Variants in MBD3L1 observed in about 807,000 individuals in gnomAD.
MBD3L1 encodes methyl-CpG binding domain protein 3 like 1.
For synonymous variants in MBD3L1, 84 were observed against 85.1 expected, an observed-to-expected ratio of 0.99 and a Z score of 0.07; for missense variants, 203 against 230.1, an observed-to-expected ratio of 0.88 and a Z score of 0.76.
In MBD3L1 at chr19:8,842,659, G is replaced by GT. The variant is rs1334506711; in HGVS notation, c.-19dup. On this transcript the variant is annotated splice_region_variant and 5_prime_UTR_variant, in exon 3 of 3. Coordinates refer to ENST00000595891, the MANE Select transcript of MBD3L1 (RefSeq NM_001393532.1). ...CCATTTCATGATTTATTTTAATAGT[G>GT]TAAGAGGAAAAGAAGTGTGATGGCC... is the stretch of plus-strand genomic sequence containing the variant. 1 of 1,601,522 alleles carries GT rather than the reference G, an allele frequency of 6.2e-7. No individual in the cohort carries two copies. Among genetic ancestry groups the GT allele is most frequent in the Non-Finnish European group, 8.5e-7 (1 of 1,170,734 alleles).
At chr19:8,836,636 C>T (rs965405214) in intron 1 of MBD3L1, among the ~76,000 whole-genome samples, 4 of 152,084 alleles carry the variant, frequency 2.6e-5, no homozygotes, top group African/African-American at 4.8e-5. Context: ...GGACTGCAGG[C>T]GTGCACCACC....
At chr19:8,841,378 T>C (rs1243464694) in intron 2 of MBD3L1, among the ~76,000 whole-genome samples, 1 of 151,892 alleles carries the variant, frequency 6.6e-6, no homozygotes, top group Admixed American at 6.6e-5. Context: ...CCAAGAGTGC[T>C]AGGAATCAGA....
intron 1 of MBD3L1, among the ~76,000 whole-genome samples, chr19:8,838,771 C>T (rs2044480925): frequency 6.6e-6 from 1 of 152,108 alleles, no homozygotes; most frequent in East Asian, 1.9e-4. Context: ...TGCAAGGATG[C>T]AACAGGCAGC....
chr19:8,840,697 C>A (rs568609858), intron 1 of MBD3L1, among the ~76,000 whole-genome samples: 2 of 152,000 alleles, frequency 1.3e-5, no homozygotes, highest in African/African-American at 4.8e-5. Flanking sequence ...TCTTTGGGAA[C>A]CATCAGGTAA....
intron 1 of MBD3L1, among the ~76,000 whole-genome samples, chr19:8,838,884 G>A (rs1456900235): frequency 2.0e-5 from 3 of 152,128 alleles, no homozygotes; most frequent in Admixed American, 1.3e-4. Flanking sequence ...AGATAAGGTC[G>A]TGTTCCTGGG....
intron 1 of MBD3L1, among the ~76,000 whole-genome samples, chr19:8,835,909 A>C (rs576830863): frequency 1.3e-5 from 2 of 152,362 alleles, no homozygotes; most frequent in Admixed American, 6.5e-5. Context: ...GAAGCCACTC[A>C]TAAAAAACCC....
chr19:8,841,588 G>A (rs1374644150), intron 2 of MBD3L1, among the ~76,000 whole-genome samples: 4 of 151,864 alleles, frequency 2.6e-5, no homozygotes, highest in Admixed American at 6.6e-5. Context: ...AGACAGTCTC[G>A]CTCTGTTGCC....
At chr19:8,836,532 C>A (rs1032999244) in intron 1 of MBD3L1, among the ~76,000 whole-genome samples, 1 of 151,378 alleles carries the variant, frequency 6.6e-6, no homozygotes, top group African/African-American at 2.4e-5. Flanking sequence ...TGCTTTGTCA[C>A]CCAGGCTGGA....
At chr19:8,835,838 C>A (rs2044449758) in intron 1 of MBD3L1, among the ~76,000 whole-genome samples, 1 of 152,182 alleles carries the variant, frequency 6.6e-6, no homozygotes. Flanking sequence ...GATTATTATT[C>A]ATCCATTAAA....
chr19:8,843,232 G>A lies in MBD3L1; in HGVS notation c.554G>A (p.Arg185Lys). The A allele has an allele frequency of 1.2e-6, 2 of 1,603,636 alleles. No homozygotes were observed. The highest frequency in any genetic ancestry group is 1.7e-5 in the Admixed American group (1 of 58,492). ...CTCGCTAATGAGGCAGAGAAAGTGA[G>A]AGACCAAGAAGGCCGTCCTGAAAAA... ...DGLANEAEKV[R>K]DQEGRPEKR Residue 185 changes from arginine to lysine, a missense_variant, in exon 3 of 3, where the codon AGA becomes AAA. Transcript: ENST00000595891.
rs971894655 is a variant in MBD3L1, at chr19:8,843,041, C to T, written c.363C>T (p.His121=). 7.4e-6 allele frequency: 12 copies of T among 1,614,050 alleles called. No individual in the cohort carries two copies. Among genetic ancestry groups the T allele is most frequent in the Non-Finnish European group, 1.0e-5 (12 of 1,180,018 alleles). ...SGLEHSCPMP[H]LACSSDAVEI... is the part of the protein sequence containing the mutation. The stretch of plus-strand genomic sequence containing the variant: ...TGGAGCACTCCTGCCCCATGCCCCA[C>T]CTTGCCTGCTCTTCAGATGCGGTGG... Residue 121 remains histidine, a synonymous_variant, in exon 3 of 3, where the codon CAC becomes CAT. Transcript: ENST00000595891.
intron 1 of MBD3L1, among the ~76,000 whole-genome samples, chr19:8,835,895 A>G (rs554198777): frequency 3.3e-5 from 5 of 152,378 alleles, no homozygotes; most frequent in African/African-American, 1.2e-4. Context: ...TACGGTAAGT[A>G]AAAGAAGCCA....
At chr19:8,840,177 C>T (rs2044497595) in intron 1 of MBD3L1, among the ~76,000 whole-genome samples, 2 of 147,454 alleles carry the variant, frequency 1.4e-5, no homozygotes, top group Admixed American at 1.4e-4. Flanking sequence ...GAGCGGGACT[C>T]CGTCTCAAAA....
intron 1 of MBD3L1, among the ~76,000 whole-genome samples, chr19:8,834,788 G>A (rs2044437017): frequency 6.6e-6 from 1 of 152,054 alleles, no homozygotes. Flanking sequence ...GAAAACATAG[G>A]TGTCAAACTT....
intron 1 of MBD3L1, among the ~76,000 whole-genome samples, chr19:8,838,252 C>CA (rs542318207): frequency 0.035 from 411 of 11,820 alleles, 116 homozygotes; most frequent in African/African-American, 0.092. Flanking sequence ...GACTCCATCT[C>CA]AAAAAAAAAA....
At chr19:8,833,322 G>A (rs1474036884) in intron 1 of MBD3L1, 1 of 152,198 alleles carries the variant, frequency 6.6e-6, no homozygotes, top group African/African-American at 2.4e-5. Flanking sequence ...GAGTTTAGGG[G>A]AGCAGGAGAG....
intron 2 of MBD3L1, among the ~76,000 whole-genome samples, chr19:8,841,940 T>G (rs1211007125): frequency 6.6e-6 from 1 of 152,168 alleles, no homozygotes; most frequent in African/African-American, 2.4e-5. Context: ...GCAGAGCAGT[T>G]GATAATTTCA....
rs1412531253 is a variant in MBD3L1, at chr19:8,842,762, G to A, written c.84G>A (p.Leu28=). 3 of 1,614,192 alleles carry A rather than the reference G, an allele frequency of 1.9e-6. No homozygotes were observed. In the South Asian group the frequency reaches 3.3e-5, roughly 18 times the overall value. Residue 28 remains leucine (L), a synonymous_variant, in exon 3 of 3, where the codon TTG becomes TTA. Coordinates refer to ENST00000595891, the MANE Select transcript of MBD3L1 (RefSeq NM_001393532.1). Reference sequence around the variant, plus strand: ...CTGGCTTGAGCACCTCAATCCCTTTGAGAATGTCCAGTTACACATTCAAGA... The same window carrying A: ...CTGGCTTGAGCACCTCAATCCCTTTAAGAATGTCCAGTTACACATTCAAGA... ...SKPGLSTSIP[L]RMSSYTFKRP...
intron 1 of MBD3L1, among the ~76,000 whole-genome samples, chr19:8,832,781 GA>G (rs1248545473): frequency 2.6e-5 from 4 of 152,106 alleles, no homozygotes; most frequent in South Asian, 2.1e-4. Flanking sequence ...TACAGGGGTG[GA>G]GACCTCCATT....
Sources: allele counts gnomAD v4.1 joint callset (sites outside exome capture counted in the v4.1 genomes callset), GRCh38; gene constraint gnomAD v4.1.1; transcripts MANE v1.5; gene names NCBI Gene and HGNC (gene_info 2026-07-23, HGNC 2026-07-21).